DOCK1: variants seen among roughly 807,000 people sequenced by gnomAD.
DOCK1 encodes the protein dedicator of cytokinesis 1, also known as dedicator of cytokinesis protein 1.
In DOCK1, 138 loss-of-function variants were observed where a neutral mutation model predicts 262.7. That is an observed-to-expected ratio of 0.53 (90% CI 0.46 to 0.61). The LOEUF (loss-of-function observed/expected upper bound fraction) is 0.61. Among genes scored for constraint, DOCK1 ranks in the 20% least tolerant of loss-of-function variants. The pLI, the probability that DOCK1 is intolerant of heterozygous loss-of-function variation, is 0.00. For missense variants in DOCK1, 1,908 were observed against 2,370.7 expected, an observed-to-expected ratio of 0.80 and a Z score of 4.05; for synonymous variants, 866 against 867.4, an observed-to-expected ratio of 1.00 and a Z score of 0.03.
intron 6 of DOCK1, among the ~76,000 whole-genome samples, chr10:126,991,176 C>CAA (rs2039758453): frequency 1.3e-5 from 2 of 152,136 alleles, no homozygotes; most frequent in African/African-American, 4.8e-5. Flanking sequence ...AGCAGGCATC[C>CAA]CCCCAGCTCT....
chr10:127,408,231 A>G (rs771111218), intron 40 of DOCK1, among the ~76,000 whole-genome samples: 9 of 152,184 alleles, frequency 5.9e-5, no homozygotes, highest in East Asian at 1.9e-4. Flanking sequence ...CTAGCCGTCT[A>G]TAACAACCCC....
chr10:127,378,004 G>A (rs10829893), intron 35 of DOCK1, among the ~76,000 whole-genome samples: 4,502 of 152,088 alleles, frequency 0.03, 405 homozygotes, highest in East Asian at 0.29. Flanking sequence ...CTGCATGTAT[G>A]TTGGAACTTG....
chr10:127,154,761 TA>T (rs2133541056), intron 27 of DOCK1, among the ~76,000 whole-genome samples: 1 of 152,306 alleles, frequency 6.6e-6, no homozygotes, highest in Non-Finnish European at 1.5e-5. Flanking sequence ...TTCTCCCCCC[TA>T]ATTAAAAAAT....
chr10:127,384,826 C>T lies in DOCK1; in HGVS notation c.3844C>T (p.Arg1282Trp), dbSNP rs375009537. ...TGTGTGTGTGGCCCACCTCACCCAG[C>T]GGGACGGGTACCAGGCCACCACGCA... ...EDVCVAHLTQ[R>W]DGYQATTQGQ... The change falls in exon 38 of 52, where the codon CGG becomes TGG. Residue 1282 changes from arginine to tryptophan, a missense_variant. Physicochemically the swap from Arg to Trp is moderately radical, Grantham distance 101 (BLOSUM62 -3). This residue lies in a region of DOCK1 where 267 missense variants were observed against 366.3 expected (regional missense o/e 0.73). Coordinates refer to ENST00000623213, the MANE Select transcript of DOCK1 (RefSeq NM_001290223.2). 1.9e-5 allele frequency: 31 copies of T among 1,607,134 alleles called. No individual in the cohort carries two copies. Among genetic ancestry groups the T allele is most frequent in the South Asian group, 5.6e-5 (5 of 89,954 alleles).
intron 29 of DOCK1, among the ~76,000 whole-genome samples, chr10:127,285,651 G>A (rs2061123595): frequency 6.6e-6 from 1 of 152,198 alleles, no homozygotes. Context: ...AGGCATGCAG[G>A]GAGTGGTCAT....
chr10:127,330,121 C>G lies in DOCK1; in HGVS notation c.3045-8885C>G, dbSNP rs79963331. Among the ~76,000 whole-genome samples the G allele has an allele frequency of 3.5e-3, 540 of 152,270 alleles. 3 individuals carry two copies. The highest frequency in any genetic ancestry group is 0.021 in the South Asian group (101 of 4,812). ...AGCATTTTAAGGTCTTTTCAATCAA[C>G]ACATTTTATTTTCTGATGACCTAGA... is the stretch of plus-strand genomic sequence containing the variant. On this transcript the variant is annotated intron_variant, in intron 29 of 51. Transcript: ENST00000623213.
rs1483429564 is a variant in DOCK1 at position 127,444,277 on chromosome 10, C to T, written c.5411C>T (p.Ser1804Leu). 6 of 1,603,640 alleles carry T rather than the reference C, an allele frequency of 3.7e-6. No individual in the cohort carries two copies. In the African/African-American group the frequency reaches 4.1e-5, roughly 11 times the overall value. Residue 1804 changes from serine to leucine, a missense_variant and splice_region_variant, in exon 50 of 52, where the codon TCG becomes TTG. Transcript: ENST00000623213. ...GCCAAGCTCAGCTTCAGCATGCAGT[C>T]GAGTAAGTGGAACGCTCCCCACATA... The part of the protein sequence containing the change: ...PRAKLSFSMQ[S>L]SLELNGMTGA...
At chr10:127,370,064 C>G (rs2134006109) in intron 33 of DOCK1, among the ~76,000 whole-genome samples, 1 of 152,236 alleles carries the variant, frequency 6.6e-6, no homozygotes, top group African/African-American at 2.4e-5. Context: ...CCACCCACCT[C>G]CCCCTGCACA....
intron 27 of DOCK1, among the ~76,000 whole-genome samples, chr10:127,130,692 G>A (rs992993757): frequency 3.9e-4 from 59 of 152,222 alleles, no homozygotes; most frequent in Non-Finnish European, 2.9e-5. Flanking sequence ...TACGTGCTAT[G>A]CACTCTATAA....
chr10:127,148,030 CAAAAAAAAA>C (rs57503481), intron 27 of DOCK1, among the ~76,000 whole-genome samples: 2 of 63,320 alleles, frequency 3.2e-5, no homozygotes, highest in Admixed American at 2.5e-4. Context: ...GACTCTGTCT[CAAAAAAAAA>C]AAAAAAAAAA....
At chr10:127,117,207 T>C (rs2049240045) in intron 25 of DOCK1, among the ~76,000 whole-genome samples, 1 of 152,218 alleles carries the variant, frequency 6.6e-6, no homozygotes. Flanking sequence ...TTAGCGAGTT[T>C]GCTTCCTTTG....
chr10:127,116,645 G>T (rs923107001), intron 25 of DOCK1, among the ~76,000 whole-genome samples: 5 of 151,972 alleles, frequency 3.3e-5, no homozygotes, highest in African/African-American at 7.2e-5. Flanking sequence ...AAGCATTTTT[G>T]ATTAAAAAAA....
chr10:127,354,521 A>G, intron 31 of DOCK1, 148 bp from the exon 32 acceptor site: 4 of 826,222 alleles, frequency 4.8e-6, no homozygotes, highest in Non-Finnish European at 7.6e-6. Flanking sequence ...CCTTTGATTC[A>G]TTTTGGTGGC....
In DOCK1 at chr10:127,323,735, A is replaced by G. The variant is rs1227941573; in HGVS notation, c.3045-15271A>G. On this transcript the variant is annotated intron_variant, in intron 29 of 51. Transcript: ENST00000623213. ...TCATGGATTCTTTGTTGCCACCAGC[A>G]AATTGGGGAGAGTAATTGAGAGGGC... Among the ~76,000 whole-genome samples the G allele has an allele frequency of 2.0e-5, 3 of 152,196 alleles. No homozygotes were observed. The East Asian group carries it at 5.8e-4, about 29-fold the overall frequency.
intron 1 of DOCK1, among the ~76,000 whole-genome samples, chr10:126,929,841 C>T (rs1232790857): frequency 3.9e-5 from 6 of 152,252 alleles, no homozygotes; most frequent in East Asian, 3.9e-4. Context: ...TGTAGCTAAC[C>T]GTTAACAAGA....
chr10:126,974,735 C>G (rs1437825724), intron 2 of DOCK1, among the ~76,000 whole-genome samples: 1 of 152,098 alleles, frequency 6.6e-6, no homozygotes, highest in Admixed American at 6.5e-5. Context: ...CCCTACTTGT[C>G]TTAGGGCACT....
rs772337291 is a variant in DOCK1, at chr10:127,248,098, A to G, written c.2938A>G (p.Thr980Ala). 1 of 1,613,884 alleles carries G rather than the reference A, an allele frequency of 6.2e-7. No individual in the cohort carries two copies. ...GATCAAGACTTTTGGGAAAATGAGG[A>G]CTGATGTGGTAGTAAGTGTCCCTTT... ...HLIKTFGKMR[T>A]DVVDFLMETF... The change falls in exon 28 of 52, where the codon ACT becomes GCT. Residue 980 changes from threonine to alanine, a missense_variant. Thr to Ala is a moderately conservative substitution (Grantham distance 58). This residue lies in a region of DOCK1 where 518 missense variants were observed against 575.1 expected (regional missense o/e 0.90). Coordinates refer to ENST00000623213, the MANE Select transcript of DOCK1 (RefSeq NM_001290223.2).
chr10:127,180,872 C>T (rs956670094), intron 27 of DOCK1, among the ~76,000 whole-genome samples: 8 of 152,242 alleles, frequency 5.3e-5, no homozygotes, highest in South Asian at 2.1e-4. Flanking sequence ...TGAACAAAAA[C>T]GGTCATCGTT....
At chr10:127,078,547 G>A (rs1030236376) in intron 23 of DOCK1, among the ~76,000 whole-genome samples, 2 of 152,204 alleles carry the variant, frequency 1.3e-5, no homozygotes, top group African/African-American at 4.8e-5. Flanking sequence ...TATGCGCAAT[G>A]TATTTGTAGA....
Sources: allele counts gnomAD v4.1 joint callset (sites outside exome capture counted in the v4.1 genomes callset), GRCh38; gene constraint gnomAD v4.1.1; regional missense constraint gnomAD v4.1.1; transcripts MANE v1.5; gene names NCBI Gene and HGNC (gene_info 2026-07-23, HGNC 2026-07-21).